Variants in MSN observed in about 807,000 individuals in gnomAD.
The protein encoded by MSN is moesin.
MSN carries 2 observed loss-of-function variants against 48.0 expected under a neutral mutation model. That is an observed-to-expected ratio of 0.04 (90% CI 0.02 to 0.13). The LOEUF (loss-of-function observed/expected upper bound fraction) is 0.13, where lower values mean the gene tolerates loss of function less well. Among genes scored for constraint, MSN ranks in the 10% least tolerant of loss-of-function variants. The pLI, the probability that MSN is intolerant of heterozygous loss-of-function variation, is 1.00. For synonymous variants in MSN, 146 were observed against 166.9 expected (o/e 0.87, Z 0.97); for missense variants, 267 against 470.1 (o/e 0.57, Z 3.99).
At chrX:65,695,223 G>A (rs751579878) in intron 1 of MSN, among the ~76,000 whole-genome samples, 3 of 110,542 alleles carry the variant, frequency 2.7e-5, no homozygotes, top group East Asian at 2.9e-4. Flanking sequence ...TTGTCGGGCC[G>A]GGCGTGTTGG....
Position 65,736,899 on chromosome X carries a change from A to G in MSN, c.1064A>G (p.Glu355Gly). The G allele has an allele frequency of 8.3e-7, 1 of 1,205,325 alleles. No homozygotes were observed. Among genetic ancestry groups the G allele is most frequent in the Non-Finnish European group, 1.1e-6 (1 of 891,943 alleles). Reference protein sequence around the residue: ...EELMERLKQIEEQTKKAQQEL... With the variant: ...EELMERLKQIGEQTKKAQQEL... ...CTGATGGAGAGGCTGAAGCAGATCG[A>G]GGAACAGACTAAGAAGGCTCAGCAA... Residue 355 changes from glutamate to glycine, a missense_variant, in exon 9 of 13, where the codon GAG becomes GGG. By Grantham distance (98) the Glu-to-Gly change is moderately conservative. Coordinates refer to ENST00000360270, the MANE Select transcript of MSN (RefSeq NM_002444.3).
At position 65,733,180 on chromosome X, in the gene MSN, A is replaced by T. The variant is rs1173262768; in HGVS notation, c.699-4A>T. The T allele has an allele frequency of 8.3e-7, 1 of 1,200,704 alleles. No homozygotes were observed. Among genetic ancestry groups the T allele is most frequent in the Non-Finnish European group, 1.1e-6 (1 of 887,190 alleles). On this transcript the variant is annotated splice_region_variant and splice_polypyrimidine_tract_variant and intron_variant, in intron 6 of 12. Coordinates refer to ENST00000360270, the MANE Select transcript of MSN (RefSeq NM_002444.3). The stretch of plus-strand genomic sequence containing the variant: ...CCTGATGTTATTGGTTTCTATTTCT[A>T]CAGACTAACTCCCAAGATAGGCTTC...
chrX:65,599,843 G>C (rs2070219395), intron 1 of MSN, among the ~76,000 whole-genome samples: 1 of 111,061 alleles, frequency 9.0e-6, no homozygotes, highest in Non-Finnish European at 1.9e-5. Flanking sequence ...GGGTTGGCTT[G>C]TGATGACAGT....
intron 1 of MSN, among the ~76,000 whole-genome samples, chrX:65,637,235 T>G (rs1439996167): frequency 9.3e-6 from 1 of 108,081 alleles, no homozygotes; most frequent in Non-Finnish European, 1.9e-5. Flanking sequence ...AAACCCCGTC[T>G]CTACTAAAAA....
chrX:65,675,892 C>T (rs1408987561), intron 1 of MSN, among the ~76,000 whole-genome samples: 1 of 112,279 alleles, frequency 8.9e-6, no homozygotes, highest in African/African-American at 3.2e-5. Context: ...CCCGCCTCAG[C>T]CTCCCAAAGT....
In MSN at chrX:65,729,721, G is replaced by C. The variant is rs1283951065; in HGVS notation, c.467+9G>C. 8.3e-7 allele frequency: 1 copy of C among 1,205,019 alleles called. No individual in the cohort carries two copies. The highest frequency in any genetic ancestry group is 1.1e-6 in the Non-Finnish European group (1 of 892,163). ...AAGTTGCTCCCGCAGAGGTGAGGTG[G>C]TTCCCTGCCCTCCTTTGCCTTGGCC... On this transcript the variant is annotated intron_variant, in intron 4 of 12. Coordinates refer to ENST00000360270, the MANE Select transcript of MSN (RefSeq NM_002444.3).
chrX:65,673,190 T>C (rs1400070704), intron 1 of MSN, among the ~76,000 whole-genome samples: 1 of 111,714 alleles, frequency 9.0e-6, no homozygotes, highest in African/African-American at 3.3e-5. Context: ...CTGAAAAGCT[T>C]TGGACAAACA....
intron 1 of MSN, among the ~76,000 whole-genome samples, chrX:65,630,843 T>C (rs913548398): frequency 1.8e-5 from 2 of 111,932 alleles, no homozygotes; most frequent in African/African-American, 6.5e-5. Context: ...ATACTTCCTT[T>C]TAAAAATTTT....
At chrX:65,739,661 CT>C in intron 12 of MSN, 67 bp from the exon 13 acceptor site, 8 of 1,093,278 alleles carry the variant, frequency 7.3e-6, no homozygotes, top group Non-Finnish European at 9.8e-6. Context: ...GAAGGGAAGT[CT>C]GGTCAAATAA....
At chrX:65,684,266 G>T (rs1341935991) in intron 1 of MSN, among the ~76,000 whole-genome samples, 1 of 110,384 alleles carries the variant, frequency 9.1e-6, no homozygotes, top group African/African-American at 3.3e-5. Context: ...TCATGCATTT[G>T]TATATATATG....
chrX:65,719,986 G>A (rs2071501704), intron 2 of MSN, among the ~76,000 whole-genome samples: 1 of 111,481 alleles, frequency 9.0e-6, no homozygotes, highest in Admixed American at 9.5e-5. Flanking sequence ...CAGATAGTAG[G>A]GAACCCCAGA....
intron 1 of MSN, among the ~76,000 whole-genome samples, chrX:65,712,415 G>A (rs2071423103): frequency 9.0e-6 from 1 of 111,191 alleles, no homozygotes; most frequent in Non-Finnish European, 1.9e-5. Flanking sequence ...GAAAGTCCTA[G>A]AGGTTCAAAG....
Position 65,733,218 on chromosome X carries a change from A to G in MSN, c.733A>G (p.Ile245Val). The G allele has an allele frequency of 8.3e-7, 1 of 1,211,041 alleles. No individual in the cohort carries two copies. The highest frequency in any genetic ancestry group is 1.1e-6 in the Non-Finnish European group (1 of 895,171). The change falls in exon 7 of 13, where the codon ATC (isoleucine) becomes GTC (valine). Residue 245 changes from isoleucine to valine, a missense_variant. By Grantham distance (29) the Ile-to-Val change is conservative. Coordinates refer to ENST00000360270, the MANE Select transcript of MSN (RefSeq NM_002444.3). ...TPKIGFPWSE[I>V]RNISFNDKKF... is the part of the protein sequence containing the mutation. ...CAAGATAGGCTTCCCCTGGAGTGAAATCAGGAACATCTCTTTCAATGATAA... is the reference window on the plus strand; with the variant it reads ...CAAGATAGGCTTCCCCTGGAGTGAAGTCAGGAACATCTCTTTCAATGATAA...
intron 1 of MSN, among the ~76,000 whole-genome samples, chrX:65,606,234 A>G (rs1452155640): frequency 2.8e-5 from 3 of 108,794 alleles, no homozygotes; most frequent in Non-Finnish European, 3.8e-5. Flanking sequence ...GGTTCAAGCA[A>G]TTCTCTGCCT....
intron 1 of MSN, among the ~76,000 whole-genome samples, chrX:65,617,971 A>G (rs1273524453): frequency 9.2e-6 from 1 of 108,520 alleles, no homozygotes; most frequent in Admixed American, 9.9e-5. Context: ...TGTACCCAGT[A>G]GTCATTCAGG....
intron 1 of MSN, among the ~76,000 whole-genome samples, chrX:65,692,982 T>TA (rs1355609315): frequency 1.8e-5 from 2 of 112,485 alleles, no homozygotes; most frequent in Non-Finnish European, 3.8e-5. Flanking sequence ...ACCAAGACTA[T>TA]AAGTGGCTTA....
intron 1 of MSN, among the ~76,000 whole-genome samples, chrX:65,679,161 T>C (rs939801208): frequency 9.0e-6 from 1 of 111,589 alleles, no homozygotes; most frequent in Non-Finnish European, 1.9e-5. Flanking sequence ...GAGTCCAGCC[T>C]GCAGACTACA....
At chrX:65,635,384 C>G (rs1420240682) in intron 1 of MSN, among the ~76,000 whole-genome samples, 2 of 111,509 alleles carry the variant, frequency 1.8e-5, no homozygotes, top group African/African-American at 3.3e-5. Flanking sequence ...ATCCTGGGCT[C>G]TCTCTCCAGA....
chrX:65,640,856 C>T (rs1470130944), intron 1 of MSN, among the ~76,000 whole-genome samples: 1 of 111,682 alleles, frequency 9.0e-6, no homozygotes, highest in African/African-American at 3.3e-5. Context: ...CATCTGTAAT[C>T]TCAGCACTTT....
Sources: allele counts gnomAD v4.1 joint callset (sites outside exome capture counted in the v4.1 genomes callset), GRCh38; gene constraint gnomAD v4.1.1; transcripts MANE v1.5; gene names NCBI Gene and HGNC (gene_info 2026-07-23, HGNC 2026-07-21).